The following CREB5 variants were observed in gnomAD, a reference collection of about 807,000 sequenced individuals.
CREB5 encodes the protein cyclic AMP-responsive element-binding protein 5.
A neutral mutation model predicts 57.1 loss-of-function variants in CREB5; 19 were observed. The observed-to-expected ratio is 0.33, with a 90% confidence interval of 0.23 to 0.49. The LOEUF is 0.49. CREB5 is among the 20% of genes least tolerant of loss of function. The probability of loss-of-function intolerance (pLI) is 0.99; values close to 1 mark genes in which losing one functional copy is unlikely to be tolerated. For missense variants in CREB5, 579 were observed against 671.6 expected, an observed-to-expected ratio of 0.86 and a Z score of 1.52; for synonymous variants, 238 against 238.3, an observed-to-expected ratio of 1.00 and a Z score of 0.01.
intron 5 of CREB5, among the ~76,000 whole-genome samples, chr7:28,610,652 C>A (rs771248397): frequency 2.6e-5 from 4 of 151,992 alleles, no homozygotes; most frequent in Non-Finnish European, 4.4e-5. Flanking sequence ...GCCCAGTAAC[C>A]TAAAAATTTA....
At chr7:28,732,446 G>C (rs1447460109) in intron 7 of CREB5, among the ~76,000 whole-genome samples, 6 of 152,046 alleles carry the variant, frequency 3.9e-5, no homozygotes, top group African/African-American at 1.5e-4. Flanking sequence ...CTCAGACAAA[G>C]TTTTCAAGAG....
At chr7:28,664,814 C>T (rs1057463599) in intron 5 of CREB5, among the ~76,000 whole-genome samples, 3 of 152,022 alleles carry the variant, frequency 2.0e-5, no homozygotes, top group African/African-American at 7.2e-5. Flanking sequence ...ATTAATACCC[C>T]AGAAGAGCAA....
At chr7:28,634,897 G>C (rs907980355) in intron 5 of CREB5, among the ~76,000 whole-genome samples, 1 of 152,124 alleles carries the variant, frequency 6.6e-6, no homozygotes. Context: ...TCAGGGTAGA[G>C]CACTGTATCA....
chr7:28,708,425 T>G (rs1583588251), intron 5 of CREB5, among the ~76,000 whole-genome samples: 1 of 151,938 alleles, frequency 6.6e-6, no homozygotes, highest in African/African-American at 2.4e-5. Context: ...AGTGGCTGGG[T>G]GGAGGGTGTC....
chr7:28,626,282 T>C (rs757658095), intron 5 of CREB5, among the ~76,000 whole-genome samples: 2 of 152,230 alleles, frequency 1.3e-5, no homozygotes, highest in Non-Finnish European at 2.9e-5. Flanking sequence ...TTAGAATGAT[T>C]GAAGTGTGGA....
Position 28,787,760 on chromosome 7 carries a change from C to CCTCG in CREB5, c.703-16438_703-16435dup, listed in dbSNP as rs1402137841. 2.0e-5 allele frequency among the ~76,000 whole-genome samples: 3 copies of CCTCG among 152,184 alleles called. No homozygotes were observed. The East Asian group carries it at 5.8e-4, about 29-fold the overall frequency. On this transcript the variant is annotated intron_variant, in intron 7 of 10. Transcript: ENST00000357727. ...TATAGAGACAGGGTTTGCCTTGTTG[C>CCTCG]CTCGGCTGGTCTCAAACTCCTAGGC...
chr7:28,342,111 G>A (rs750980916), intron 1 of CREB5, among the ~76,000 whole-genome samples: 4 of 152,204 alleles, frequency 2.6e-5, no homozygotes, highest in Non-Finnish European at 5.9e-5. Context: ...TGAAAGCTGT[G>A]TTGGAAGCAG....
chr7:28,725,657 A>AG (rs1398512551), intron 7 of CREB5, among the ~76,000 whole-genome samples: 20 of 151,102 alleles, frequency 1.3e-4, no homozygotes, highest in African/African-American at 2.9e-4. Flanking sequence ...AAAAAAAAAA[A>AG]AAAAAGAAAG....
At chr7:28,387,918 T>C (rs551344849) in intron 1 of CREB5, among the ~76,000 whole-genome samples, 48 of 152,352 alleles carry the variant, frequency 3.2e-4, no homozygotes, top group African/African-American at 1.1e-3. Flanking sequence ...ATTTTACACT[T>C]GGTTATTTTA....
chr7:28,392,255 G>A (rs930161964), intron 1 of CREB5, among the ~76,000 whole-genome samples: 27 of 152,002 alleles, frequency 1.8e-4, no homozygotes, highest in Non-Finnish European at 3.8e-4. Context: ...AACCTGCACA[G>A]GTACCCCTGA....
intron 1 of CREB5, among the ~76,000 whole-genome samples, chr7:28,478,264 G>A (rs1325064806): frequency 6.6e-6 from 1 of 151,996 alleles, no homozygotes; most frequent in Non-Finnish European, 1.5e-5. Flanking sequence ...TCCTCCTCAT[G>A]GTACAATACG....
At chr7:28,764,239 CTTA>C (rs1322591544) in intron 7 of CREB5, among the ~76,000 whole-genome samples, 1 of 151,720 alleles carries the variant, frequency 6.6e-6, no homozygotes, top group Non-Finnish European at 1.5e-5. Context: ...TTAATGTTCT[CTTA>C]TTATTTTTTT....
chr7:28,325,842 A>C (rs933713183), intron 1 of CREB5, among the ~76,000 whole-genome samples: 4 of 152,176 alleles, frequency 2.6e-5, no homozygotes, highest in African/African-American at 9.7e-5. Context: ...GGTTATAATC[A>C]ATTACTAGCA....
intron 1 of CREB5, among the ~76,000 whole-genome samples, chr7:28,356,392 A>C (rs1357166602): frequency 2.6e-5 from 4 of 152,222 alleles, no homozygotes; most frequent in African/African-American, 4.8e-5. Context: ...TCTACTTAGC[A>C]ATAGGTTTTA....
intron 5 of CREB5, among the ~76,000 whole-genome samples, chr7:28,643,973 G>C (rs1323600008): frequency 5.9e-5 from 9 of 152,018 alleles, no homozygotes; most frequent in Admixed American, 5.9e-4. Flanking sequence ...AGCTGCTAGG[G>C]AGGCTGAGGT....
At chr7:28,511,700 G>A (rs775711140) in intron 4 of CREB5, among the ~76,000 whole-genome samples, 26 of 152,244 alleles carry the variant, frequency 1.7e-4, no homozygotes, top group East Asian at 5.8e-4. Flanking sequence ...TGCCCAGGCC[G>A]GTCTCAAACT....
intron 7 of CREB5, among the ~76,000 whole-genome samples, chr7:28,778,431 A>G (rs1387258823): frequency 6.6e-6 from 1 of 152,194 alleles, no homozygotes; most frequent in Non-Finnish European, 1.5e-5. Flanking sequence ...ACGGCTAGCA[A>G]TTATCATTAG....
At chr7:28,325,765 G>A (rs1017231963) in intron 1 of CREB5, among the ~76,000 whole-genome samples, 1 of 152,150 alleles carries the variant, frequency 6.6e-6, no homozygotes, top group African/African-American at 2.4e-5. Context: ...TCACTCAGAT[G>A]CTGACTTAAA....
intron 6 of CREB5, among the ~76,000 whole-genome samples, chr7:28,721,046 G>A (rs1803005319): frequency 6.6e-6 from 1 of 152,144 alleles, no homozygotes; most frequent in African/African-American, 2.4e-5. Context: ...CAGCTGCATG[G>A]TCAAGAGCTC....
Sources: gnomAD v4.1 joint callset for allele counts (sites outside exome capture counted in the v4.1 genomes callset) on GRCh38, gnomAD v4.1.1 for gene constraint, MANE v1.5 for transcripts, NCBI Gene and HGNC (gene_info 2026-07-23, HGNC 2026-07-21) for gene names.